Variants in CCBE1 observed in about 807,000 individuals in gnomAD.
CCBE1 encodes collagen and calcium-binding EGF domain-containing protein 1.
Under a neutral mutation model 50.0 loss-of-function variants are expected in CCBE1, and 37 were observed. That is an observed-to-expected ratio of 0.74 (90% CI 0.57 to 0.97). CCBE1 has a LOEUF of 0.97. CCBE1 is among the 50% of genes least tolerant of loss of function. The pLI is 0.00. For missense variants in CCBE1, 538 were observed against 523.8 expected (o/e 1.03, Z -0.26); for synonymous variants, 234 against 203.7 (o/e 1.15, Z -1.27).
At chr18:59,443,468 A>G (rs966889374) in intron 7 of CCBE1, among the ~76,000 whole-genome samples, 18 of 138,980 alleles carry the variant, frequency 1.3e-4, no homozygotes, top group Non-Finnish European at 2.5e-4. Context: ...AAATTTGCCA[A>G]CTTTTTTTTT....
intron 6 of CCBE1, 109 bp downstream of exon 6, chr18:59,454,742 C>T (rs942881528): frequency 5.4e-5 from 52 of 968,372 alleles, no homozygotes; most frequent in Admixed American, 9.5e-5. Context: ...GCATCAACTG[C>T]GTGAATGCTC....
chr18:59,586,185 T>C (rs999467690), intron 2 of CCBE1, among the ~76,000 whole-genome samples: 1 of 152,146 alleles, frequency 6.6e-6, no homozygotes, highest in African/African-American at 2.4e-5. Flanking sequence ...ATGAGTTCAG[T>C]CCAATAAAGG....
chr18:59,435,816 C>T lies in CCBE1; in HGVS notation c.*92G>A. On this transcript the variant is annotated 3_prime_UTR_variant, in exon 11 of 11. Transcript: ENST00000439986. ...AAGAGAAGAGAAAAATGTATGTTTT[C>T]TAGGTCTCCAGTGGTCTTTCTTCTC... The T allele has an allele frequency of 9.1e-7, 1 of 1,095,698 alleles. No homozygotes were observed. Among genetic ancestry groups the T allele is most frequent in the South Asian group, 1.2e-5 (1 of 80,178 alleles). 67.9% of individuals were successfully genotyped at this position (1,095,698 alleles called of 1,614,324 possible). A position where few individuals can be genotyped will look rare whatever the true frequency, so the allele number is the denominator to read the frequency against.
intron 7 of CCBE1, among the ~76,000 whole-genome samples, chr18:59,442,857 A>T (rs183345683): frequency 7.2e-5 from 11 of 152,344 alleles, no homozygotes; most frequent in Admixed American, 7.2e-4. Context: ...TGGAGTTCTC[A>T]GTAGGGGCTG....
chr18:59,649,034 GGA>G (rs1186343301), intron 2 of CCBE1, among the ~76,000 whole-genome samples: 1 of 152,202 alleles, frequency 6.6e-6, no homozygotes, highest in Non-Finnish European at 1.5e-5. Context: ...AGGGAAAGGG[GGA>G]GAGTGTCTGA....
At chr18:59,502,693 C>A (rs557312671) in intron 2 of CCBE1, among the ~76,000 whole-genome samples, 18 of 151,128 alleles carry the variant, frequency 1.2e-4, no homozygotes, top group Non-Finnish European at 1.9e-4. Flanking sequence ...CCCCTCCCCC[C>A]GCAAAAAAAA....
chr18:59,445,353 A>G (rs1428585622), intron 7 of CCBE1, among the ~76,000 whole-genome samples: 1 of 152,232 alleles, frequency 6.6e-6, no homozygotes, highest in Non-Finnish European at 1.5e-5. Flanking sequence ...AGTCCTGGAT[A>G]CATAGTGGGC....
intron 2 of CCBE1, among the ~76,000 whole-genome samples, chr18:59,691,813 G>A (rs1306225961): frequency 6.6e-6 from 1 of 152,168 alleles, no homozygotes; most frequent in Non-Finnish European, 1.5e-5. Flanking sequence ...GCCAGCCACA[G>A]GACAGGGAAA....
At chr18:59,665,119 ATTC>A (rs2144696326) in intron 2 of CCBE1, among the ~76,000 whole-genome samples, 1 of 152,238 alleles carries the variant, frequency 6.6e-6, no homozygotes, top group African/African-American at 2.4e-5. Flanking sequence ...GTCAGCTGGC[ATTC>A]TTCTTAGTGC....
intron 2 of CCBE1, among the ~76,000 whole-genome samples, chr18:59,547,738 T>C (rs1259114322): frequency 6.6e-6 from 1 of 152,176 alleles, no homozygotes; most frequent in South Asian, 2.1e-4. Flanking sequence ...AGGAAATGTA[T>C]GCAAACAGTG....
chr18:59,515,048 T>C (rs1187006447), intron 2 of CCBE1, among the ~76,000 whole-genome samples: 1 of 152,142 alleles, frequency 6.6e-6, no homozygotes, highest in Non-Finnish European at 1.5e-5. Context: ...TCTCCAAAGA[T>C]GATATAAGGA....
intron 9 of CCBE1, among the ~76,000 whole-genome samples, chr18:59,438,352 T>C (rs992480887): frequency 6.6e-6 from 1 of 152,220 alleles, no homozygotes; most frequent in Non-Finnish European, 1.5e-5. Context: ...CTGATTTCCC[T>C]CAAGCCCATC....
At chr18:59,652,339 G>A (rs964127612) in intron 2 of CCBE1, among the ~76,000 whole-genome samples, 4 of 152,190 alleles carry the variant, frequency 2.6e-5, no homozygotes, top group Admixed American at 1.3e-4. Context: ...TTATCAACAG[G>A]TACTGCTCAT....
At chr18:59,676,690 A>T (rs931914638) in intron 2 of CCBE1, among the ~76,000 whole-genome samples, 4 of 152,136 alleles carry the variant, frequency 2.6e-5, no homozygotes, top group Non-Finnish European at 4.4e-5. Flanking sequence ...AGACACAATA[A>T]ATAAAGTACA....
At chr18:59,664,534 T>C (rs894546193) in intron 2 of CCBE1, among the ~76,000 whole-genome samples, 3 of 152,240 alleles carry the variant, frequency 2.0e-5, no homozygotes, top group African/African-American at 7.2e-5. Context: ...GCCCTAAATA[T>C]AAACAAAGGG....
chr18:59,549,263 T>C (rs1915827722), intron 2 of CCBE1, among the ~76,000 whole-genome samples: 3 of 152,112 alleles, frequency 2.0e-5, no homozygotes, highest in Admixed American at 6.5e-5. Context: ...AAATGTAACA[T>C]TGGTAAAAAA....
intron 5 of CCBE1, chr18:59,464,007 A>T (rs1484565142): frequency 6.6e-6 from 1 of 152,248 alleles, no homozygotes; most frequent in Admixed American, 6.5e-5. Flanking sequence ...TCAGTGGCTA[A>T]ATAGCTGCAC....
At chr18:59,469,633 A>G (rs765730784) in intron 3 of CCBE1, 26 bp from the exon 4 acceptor site, 3 of 1,613,830 alleles carry the variant, frequency 1.9e-6, no homozygotes, top group African/African-American at 1.3e-5. Context: ...GAGAGCTCAC[A>G]TCAACTACAG....
chr18:59,585,872 A>G (rs1599036777), intron 2 of CCBE1, among the ~76,000 whole-genome samples: 1 of 152,216 alleles, frequency 6.6e-6, no homozygotes, highest in Non-Finnish European at 1.5e-5. Flanking sequence ...AGTTGCCTAC[A>G]TGTATTTCAA....
Sources: allele counts gnomAD v4.1 joint callset (sites outside exome capture counted in the v4.1 genomes callset), GRCh38; gene constraint gnomAD v4.1.1; transcripts MANE v1.5; gene names NCBI Gene and HGNC (gene_info 2026-07-23, HGNC 2026-07-21).